Variants in CREB5 observed in about 807,000 individuals in gnomAD.
The protein encoded by CREB5 is cAMP responsive element binding protein 5.
CREB5 carries 19 observed loss-of-function variants against 57.1 expected under a neutral mutation model. That is an observed-to-expected ratio of 0.33 (90% CI 0.23 to 0.49). CREB5 has a LOEUF of 0.49. Ranked by LOEUF, CREB5 falls within the 20% of genes least tolerant of loss-of-function variation. The pLI, the probability that CREB5 is intolerant of heterozygous loss-of-function variation, is 0.99. For synonymous variants in CREB5, 238 were observed against 238.3 expected (o/e 1.00, Z 0.01); for missense variants, 579 against 671.6 (o/e 0.86, Z 1.52).
intron 5 of CREB5, among the ~76,000 whole-genome samples, chr7:28,579,077 C>T (rs1343946722): frequency 6.6e-6 from 1 of 152,186 alleles, no homozygotes; most frequent in Non-Finnish European, 1.5e-5. Flanking sequence ...CATGCATGAG[C>T]TCTAGACTTT....
chr7:28,593,406 G>A (rs746401712), intron 5 of CREB5, among the ~76,000 whole-genome samples: 18 of 152,138 alleles, frequency 1.2e-4, no homozygotes, highest in South Asian at 2.1e-4. Flanking sequence ...GCGCCACCAC[G>A]CCTGGCTAAT....
chr7:28,732,551 C>T, intron 7 of CREB5, among the ~76,000 whole-genome samples: 1 of 151,260 alleles, frequency 6.6e-6, no homozygotes. Context: ...TCAGAAAAGC[C>T]AGGAAAAAAA....
chr7:28,763,580 G>A (rs762983267), intron 7 of CREB5, among the ~76,000 whole-genome samples: 2 of 152,010 alleles, frequency 1.3e-5, no homozygotes, highest in Admixed American at 6.6e-5. Flanking sequence ...AACATATAAC[G>A]TTTCCTCTGT....
chr7:28,387,716 G>A (rs576206390), intron 1 of CREB5, among the ~76,000 whole-genome samples: 1 of 152,100 alleles, frequency 6.6e-6, no homozygotes, highest in South Asian at 2.1e-4. Flanking sequence ...AATGATCTGT[G>A]CAGCAAACCA....
At chr7:28,710,988 G>A (rs1802372587) in intron 5 of CREB5, among the ~76,000 whole-genome samples, 1 of 152,142 alleles carries the variant, frequency 6.6e-6, no homozygotes, top group African/African-American at 2.4e-5. Flanking sequence ...TTTTGTGGCA[G>A]GAAGACAGAT....
intron 1 of CREB5, among the ~76,000 whole-genome samples, chr7:28,472,084 A>G (rs6947146): frequency 0.17 from 26,128 of 151,484 alleles, 2,347 homozygotes; most frequent in East Asian, 0.2. Context: ...TTTATTTGAC[A>G]TGCTTTCCAT....
chr7:28,488,032 C>G lies in CREB5; in HGVS notation c.4-143C>G, dbSNP rs1444658525. The G allele has an allele frequency of 1.7e-5, 11 of 657,294 alleles. No individual in the cohort carries two copies. The East Asian group carries it at 2.8e-4, about 17-fold the overall frequency. The allele number at this position is 657,294 out of a possible 1,614,324, so 40.7% of individuals were successfully genotyped here. A position where few individuals can be genotyped will look rare whatever the true frequency, so the allele number is the denominator to read the frequency against. On this transcript the variant is annotated intron_variant, in intron 1 of 10. Coordinates refer to ENST00000357727, the MANE Select transcript of CREB5 (RefSeq NM_182898.4). ...CAGCCAAGCAGGGCCTGTGCTCACTCACATTAATGTTCTGCTCATCTAATT... is the reference window on the plus strand; with the variant it reads ...CAGCCAAGCAGGGCCTGTGCTCACTGACATTAATGTTCTGCTCATCTAATT...
chr7:28,457,077 C>A (rs1028393854), intron 1 of CREB5, among the ~76,000 whole-genome samples: 1 of 152,116 alleles, frequency 6.6e-6, no homozygotes, highest in South Asian at 2.1e-4. Context: ...TGAGAACACT[C>A]GAGACAGAGA....
At chr7:28,644,976 C>T (rs1227720225) in intron 5 of CREB5, among the ~76,000 whole-genome samples, 1 of 152,060 alleles carries the variant, frequency 6.6e-6, no homozygotes, top group Non-Finnish European at 1.5e-5. Context: ...AAACTCTTGG[C>T]CAACAACGCG....
intron 7 of CREB5, among the ~76,000 whole-genome samples, chr7:28,788,812 T>G (rs1483825689): frequency 1.0e-4 from 15 of 147,022 alleles, no homozygotes; most frequent in Admixed American, 7.5e-4. Context: ...GAAGCCAGGT[T>G]AAAACCCTCT....
intron 1 of CREB5, among the ~76,000 whole-genome samples, chr7:28,317,642 C>T (rs1785408661): frequency 6.6e-6 from 1 of 152,138 alleles, no homozygotes; most frequent in African/African-American, 2.4e-5. Flanking sequence ...TTGTTTGATT[C>T]CTATTTATCT....
intron 6 of CREB5, among the ~76,000 whole-genome samples, chr7:28,719,583 C>A (rs1476542655): frequency 6.6e-6 from 1 of 152,190 alleles, no homozygotes; most frequent in African/African-American, 2.4e-5. Context: ...TTCCCTCTCA[C>A]AACAAACCTG....
intron 1 of CREB5, among the ~76,000 whole-genome samples, chr7:28,386,411 C>T (rs974212040): frequency 9.2e-5 from 14 of 152,146 alleles, no homozygotes; most frequent in Non-Finnish European, 1.8e-4. Context: ...GTTTAACTAT[C>T]CTTATTTTAT....
intron 1 of CREB5, among the ~76,000 whole-genome samples, chr7:28,483,169 T>C (rs2128590813): frequency 6.6e-6 from 1 of 152,362 alleles, no homozygotes; most frequent in East Asian, 1.9e-4. Flanking sequence ...TTCAGTATCA[T>C]TTGCTTTTTG....
intron 6 of CREB5, among the ~76,000 whole-genome samples, chr7:28,721,246 A>G (rs1803017322): frequency 6.6e-6 from 1 of 152,200 alleles, no homozygotes; most frequent in Non-Finnish European, 1.5e-5. Context: ...GGATGCTGCC[A>G]AACATCCTAC....
At chr7:28,444,190 C>T (rs748180193) in intron 1 of CREB5, among the ~76,000 whole-genome samples, 1 of 152,096 alleles carries the variant, frequency 6.6e-6, no homozygotes, top group Non-Finnish European at 1.5e-5. Flanking sequence ...AGTGTTCATG[C>T]TAGTTTGTGG....
chr7:28,729,295 C>T (rs929846864), intron 7 of CREB5, among the ~76,000 whole-genome samples: 1 of 152,124 alleles, frequency 6.6e-6, no homozygotes, highest in African/African-American at 2.4e-5. Flanking sequence ...GAGCTTGGGC[C>T]TTCACATTTC....
chr7:28,746,257 G>A (rs1168992217), intron 7 of CREB5, among the ~76,000 whole-genome samples: 1 of 152,124 alleles, frequency 6.6e-6, no homozygotes, highest in East Asian at 1.9e-4. Context: ...TGGTTATAAG[G>A]TCAGTCTGCC....
upstream of CREB5, among the ~76,000 whole-genome samples, chr7:28,408,844 A>T (rs527820818): frequency 8.5e-5 from 13 of 152,232 alleles, no homozygotes; most frequent in South Asian, 2.7e-3. Flanking sequence ...TGAGGTCATG[A>T]CTGTCGCAAG....
Sources: allele counts gnomAD v4.1 joint callset (sites outside exome capture counted in the v4.1 genomes callset), GRCh38; gene constraint gnomAD v4.1.1; transcripts MANE v1.5; gene names NCBI Gene and HGNC (gene_info 2026-07-23, HGNC 2026-07-21).